Variants in TRAPPC9 observed in about 807,000 individuals in gnomAD.
TRAPPC9 encodes the protein IKK2 binding protein.
In TRAPPC9, 83 loss-of-function variants were observed where a neutral mutation model predicts 124.0. The observed-to-expected ratio is 0.67, with a 90% confidence interval of 0.56 to 0.80. The LOEUF is 0.80. TRAPPC9 is among the 30% of genes least tolerant of loss of function. TRAPPC9 has a pLI of 0.00. For missense variants in TRAPPC9, 1,302 were observed against 1,508.3 expected, an observed-to-expected ratio of 0.86 and a Z score of 2.27; for synonymous variants, 638 against 617.5, an observed-to-expected ratio of 1.03 and a Z score of -0.49.
chr8:139,975,405 G>T (rs1836375044), intron 19 of TRAPPC9, among the ~76,000 whole-genome samples: 1 of 152,174 alleles, frequency 6.6e-6, no homozygotes, highest in Admixed American at 6.5e-5. Context: ...TGCATTTCTA[G>T]CAAGTTCCCA....
chr8:139,841,950 GGGT>G (rs1260425782), intron 21 of TRAPPC9, among the ~76,000 whole-genome samples: 1 of 152,236 alleles, frequency 6.6e-6, no homozygotes, highest in African/African-American at 2.4e-5. Flanking sequence ...TGGGGACCTG[GGGT>G]GGAGAGGACT....
intron 17 of TRAPPC9, among the ~76,000 whole-genome samples, chr8:140,089,724 G>A (rs920304304): frequency 5.3e-5 from 8 of 152,094 alleles, no homozygotes; most frequent in Admixed American, 3.3e-4. Flanking sequence ...TGGCACACAG[G>A]AGAGGTCCCG....
At chr8:139,936,188 C>T (rs558722237) in intron 19 of TRAPPC9, among the ~76,000 whole-genome samples, 68 of 152,376 alleles carry the variant, frequency 4.5e-4, no homozygotes, top group African/African-American at 1.5e-3. Flanking sequence ...AGCCCAGGAG[C>T]GCCACAGGCC....
At position 140,262,252 on chromosome 8, in the gene TRAPPC9, T is replaced by A. The variant is rs1468790547; in HGVS notation, c.2279-9323A>T. 2.6e-5 allele frequency among the ~76,000 whole-genome samples: 4 copies of A among 152,044 alleles called. No individual in the cohort carries two copies. In the East Asian group the frequency reaches 7.7e-4, roughly 29 times the overall value. On this transcript the variant is annotated intron_variant, in intron 15 of 22. Coordinates refer to ENST00000438773, the MANE Select transcript of TRAPPC9 (RefSeq NM_001160372.4). ...CATTTTTTTTTACAGAGACGTGACA[T>A]ACCAAAGACCCCAAACAACTAAGTG...
At chr8:140,002,844 C>CAAAAAAAA (rs56895763) in intron 18 of TRAPPC9, among the ~76,000 whole-genome samples, 20 of 68,794 alleles carry the variant, frequency 2.9e-4, no homozygotes, top group East Asian at 5.1e-4. Flanking sequence ...TTCCACTTAT[C>CAAAAAAAA]AAAAAAAAAA....
chr8:139,887,499 C>T (rs1183406613), intron 20 of TRAPPC9, among the ~76,000 whole-genome samples: 1 of 152,236 alleles, frequency 6.6e-6, no homozygotes, highest in Non-Finnish European at 1.5e-5. Flanking sequence ...GTTGGGATTA[C>T]AGGCGTGAGC....
At chr8:140,176,616 T>C (rs1466894663) in intron 17 of TRAPPC9, among the ~76,000 whole-genome samples, 1 of 152,254 alleles carries the variant, frequency 6.6e-6, no homozygotes, top group Non-Finnish European at 1.5e-5. Flanking sequence ...ATAAAGCTGC[T>C]ATGGGCATCG....
At chr8:139,785,886 T>C (rs1412171612) in intron 21 of TRAPPC9, among the ~76,000 whole-genome samples, 4 of 151,082 alleles carry the variant, frequency 2.6e-5, no homozygotes, top group Non-Finnish European at 1.5e-5. Flanking sequence ...ACACAATATA[T>C]GAAGCACTCT....
intron 2 of TRAPPC9, among the ~76,000 whole-genome samples, chr8:140,448,822 G>A (rs997683249): frequency 1.3e-5 from 2 of 152,230 alleles, no homozygotes; most frequent in Admixed American, 1.3e-4. Flanking sequence ...AGGTAGAAAG[G>A]CCCCGGGCCT....
At chr8:139,749,157 C>T (rs901588324) in intron 21 of TRAPPC9, among the ~76,000 whole-genome samples, 1 of 152,164 alleles carries the variant, frequency 6.6e-6, no homozygotes, top group African/African-American at 2.4e-5. Context: ...TCCCTCCCTC[C>T]TGCTGACTCC....
intron 21 of TRAPPC9, among the ~76,000 whole-genome samples, chr8:139,783,216 T>A (rs1401614925): frequency 2.7e-5 from 4 of 150,308 alleles, no homozygotes; most frequent in Admixed American, 2.7e-4. Context: ...AAACAGAAAA[T>A]CAATAGAAAA....
intron 19 of TRAPPC9, among the ~76,000 whole-genome samples, chr8:139,962,931 T>TC (rs1385954119): frequency 2.0e-5 from 3 of 151,900 alleles, no homozygotes; most frequent in African/African-American, 7.3e-5. Flanking sequence ...GGGAACAGAT[T>TC]CCCCCCAGGC....
chr8:140,451,031 G>A lies in TRAPPC9; in HGVS notation c.343C>T (p.Leu115Phe), dbSNP rs750540976. 1.2e-6 allele frequency: 2 copies of A among 1,614,104 alleles called. No homozygotes were observed. The change falls in exon 2 of 23, where the codon CTC becomes TTC. Residue 115 changes from leucine to phenylalanine, a missense_variant. Physicochemically the swap from Leu to Phe is conservative, Grantham distance 22 (BLOSUM62 0). Coordinates refer to ENST00000438773, the MANE Select transcript of TRAPPC9 (RefSeq NM_001160372.4). ...TCCCCCTGCAGCCCGAAGACAAAGA[G>A]CCGGGAGTCATACAGTGTGGAGCCG... ...IYGSTLYDSR[L>F]FVFGLQGEIV... is the part of the protein sequence containing the mutation.
At chr8:140,278,157 G>T (rs13248267) in intron 14 of TRAPPC9, among the ~76,000 whole-genome samples, 2 of 151,572 alleles carry the variant, frequency 1.3e-5, no homozygotes, top group South Asian at 4.2e-4. Context: ...AGGCTGGAGA[G>T]CAGTGGCACA....
intron 18 of TRAPPC9, among the ~76,000 whole-genome samples, chr8:140,015,009 GACAA>G (rs1265815752): frequency 6.6e-6 from 1 of 152,204 alleles, no homozygotes; most frequent in African/African-American, 2.4e-5. Context: ...GAGAGGAGCA[GACAA>G]ACAGACTACC....
chr8:140,138,762 A>C (rs916794066), intron 17 of TRAPPC9, among the ~76,000 whole-genome samples: 2 of 152,146 alleles, frequency 1.3e-5, no homozygotes, highest in African/African-American at 4.8e-5. Flanking sequence ...AGAGGGAAAC[A>C]AGTGGTAAGC....
chr8:139,926,936 G>T (rs1832855642), intron 19 of TRAPPC9, among the ~76,000 whole-genome samples: 1 of 152,116 alleles, frequency 6.6e-6, no homozygotes, highest in Non-Finnish European at 1.5e-5. Flanking sequence ...TTGTATCCAA[G>T]ACTATATAAA....
chr8:140,008,700 C>T (rs945861115), intron 18 of TRAPPC9: 4 of 152,236 alleles, frequency 2.6e-5, no homozygotes, highest in African/African-American at 7.2e-5. Context: ...ACCTCCTGGC[C>T]TCCCAGACCT....
intron 17 of TRAPPC9, among the ~76,000 whole-genome samples, chr8:140,160,291 A>G (rs2061723075): frequency 6.6e-6 from 1 of 152,228 alleles, no homozygotes. Flanking sequence ...TGATCCCATT[A>G]CTGGGTATAT....
Sources: gnomAD v4.1 joint callset for allele counts (sites outside exome capture counted in the v4.1 genomes callset) on GRCh38, gnomAD v4.1.1 for gene constraint, MANE v1.5 for transcripts, NCBI Gene and HGNC (gene_info 2026-07-23, HGNC 2026-07-21) for gene names.